Variants in GBF1 observed in about 807,000 individuals in gnomAD.
GBF1 encodes the protein Golgi-specific brefeldin A-resistance guanine nucleotide exchange factor 1.
GBF1 carries 114 observed loss-of-function variants against 210.5 expected under a neutral mutation model. The observed-to-expected ratio is 0.54, with a 90% CI of 0.47 to 0.63. GBF1 has a LOEUF of 0.63. Ranked by LOEUF, GBF1 falls within the 30% of genes least tolerant of loss-of-function variation. GBF1 has a pLI of 0.00. For synonymous variants in GBF1, 850 were observed against 889.2 expected (o/e 0.96, Z 0.78); for missense variants, 1,851 against 2,357.7 (o/e 0.79, Z 4.45).
intron 11 of GBF1, 130 bp from the exon 12 acceptor site, chr10:102,360,054 T>A: frequency 1.4e-6 from 1 of 724,438 alleles, no homozygotes; most frequent in African/African-American, 1.7e-5. Flanking sequence ...GCATGAGCCA[T>A]CACGCCCAGC....
chr10:102,344,852 A>G (rs2058430646), intron 4 of GBF1, among the ~76,000 whole-genome samples: 1 of 152,180 alleles, frequency 6.6e-6, no homozygotes, highest in African/African-American at 2.4e-5. Flanking sequence ...GACAATAGAG[A>G]TGTTCAAAAG....
At chr10:102,324,591 T>A (rs1444544079) in intron 3 of GBF1, among the ~76,000 whole-genome samples, 1 of 149,114 alleles carries the variant, frequency 6.7e-6, no homozygotes, top group Non-Finnish European at 1.5e-5. Flanking sequence ...TTACTTGATC[T>A]TTTTTTTTTA....
chr10:102,240,602 C>G (rs555075664), upstream of GBF1, among the ~76,000 whole-genome samples: 1 of 152,232 alleles, frequency 6.6e-6, no homozygotes, highest in African/African-American at 2.4e-5. Context: ...AGACACAACT[C>G]CCGCTCCGGA....
chr10:102,380,687 G>A lies in GBF1; in HGVS notation c.5173+1G>A. ...CTCTTCAAGCAGACCGTCATCCAGG[G>A]TAGGGGGCTCAGCCCAGCTTTATCA... On this transcript the variant is annotated splice_donor_variant, in intron 38 of 39. Coordinates refer to ENST00000369983, the MANE Select transcript of GBF1 (RefSeq NM_001377137.1). LOFTEE classifies it high-confidence loss of function. 6.2e-7 allele frequency: 1 copy of A among 1,604,928 alleles called. No homozygotes were observed. Among genetic ancestry groups the A allele is most frequent in the Non-Finnish European group, 8.5e-7 (1 of 1,174,430 alleles).
At chr10:102,250,974 C>G (rs1175801642) in intron 1 of GBF1, among the ~76,000 whole-genome samples, 1 of 144,946 alleles carries the variant, frequency 6.9e-6, no homozygotes, top group East Asian at 2.0e-4. Flanking sequence ...AACAACCAAA[C>G]AAACACAAAA....
intron 3 of GBF1, among the ~76,000 whole-genome samples, chr10:102,262,259 C>T (rs1364891246): frequency 6.6e-6 from 1 of 152,122 alleles, no homozygotes; most frequent in South Asian, 2.1e-4. Flanking sequence ...AGGGCAAATG[C>T]TGCTACTAGG....
intron 3 of GBF1, among the ~76,000 whole-genome samples, chr10:102,338,138 C>T (rs900091265): frequency 1.3e-5 from 2 of 151,710 alleles, no homozygotes; most frequent in Non-Finnish European, 1.5e-5. Flanking sequence ...TTTAACCCTT[C>T]TAGTTTTTCA....
intron 8 of GBF1, among the ~76,000 whole-genome samples, chr10:102,354,788 A>T (rs2059197329): frequency 6.6e-6 from 1 of 151,690 alleles, no homozygotes. Flanking sequence ...TTCAAGCAAG[A>T]CCCTTCCCCC....
intron 3 of GBF1, among the ~76,000 whole-genome samples, chr10:102,325,618 C>G (rs1278377834): frequency 6.6e-6 from 1 of 150,850 alleles, no homozygotes; most frequent in African/African-American, 2.4e-5. Flanking sequence ...CCGTCTCATA[C>G]TGGAACCCAT....
chr10:102,302,191 T>C (rs566836310), intron 3 of GBF1, among the ~76,000 whole-genome samples: 2 of 151,940 alleles, frequency 1.3e-5, no homozygotes, highest in East Asian at 1.9e-4. Flanking sequence ...GGCAGGGAGG[T>C]TGCAGTGAGC....
At chr10:102,256,928 C>T (rs1018558890) in intron 1 of GBF1, among the ~76,000 whole-genome samples, 1 of 152,184 alleles carries the variant, frequency 6.6e-6, no homozygotes, top group African/African-American at 2.4e-5. Flanking sequence ...GTCCCTGCTA[C>T]TCAGGAGGCT....
intron 29 of GBF1, among the ~76,000 whole-genome samples, chr10:102,374,553 C>T (rs1232746721): frequency 1.3e-5 from 2 of 151,732 alleles, no homozygotes; most frequent in Non-Finnish European, 2.9e-5. Flanking sequence ...CCACTGCACT[C>T]CAGCCTGGGT....
chr10:102,269,592 A>C (rs1305264816), intron 3 of GBF1, among the ~76,000 whole-genome samples: 1 of 152,190 alleles, frequency 6.6e-6, no homozygotes, highest in Non-Finnish European at 1.5e-5. Context: ...TTTCCCTGAC[A>C]CTGACAGGGA....
intron 3 of GBF1, among the ~76,000 whole-genome samples, chr10:102,267,160 G>C (rs780909676): frequency 2.6e-5 from 4 of 152,220 alleles, no homozygotes; most frequent in Non-Finnish European, 4.4e-5. Context: ...ATGGGGAGGT[G>C]TAGAGAAAAG....
rs1159823106 is a variant in GBF1, at chr10:102,325,148, C to CTCCCCGAATCTAAT, written c.164-18898_164-18885dup. 1.1e-3 allele frequency among the ~76,000 whole-genome samples: 166 copies of CTCCCCGAATCTAAT among 152,274 alleles called. 1 individual carries two copies. The highest frequency in any genetic ancestry group is 3.9e-3 in the African/African-American group (160 of 41,542). Reference sequence around the variant, plus strand: ...CTTTTCACTAAAGTTTGTTGCTTTTCTCCCCGAATCTAATTCCCTAAGTGC... The same window carrying CTCCCCGAATCTAAT: ...CTTTTCACTAAAGTTTGTTGCTTTTCTCCCCGAATCTAATTCCCCGAATCTAATTCCCTAAGTGC... On this transcript the variant is annotated intron_variant, in intron 3 of 39. Coordinates refer to ENST00000369983, the MANE Select transcript of GBF1 (RefSeq NM_001377137.1).
At chr10:102,359,074 CT>C in intron 10 of GBF1, 192 bp from the exon 11 acceptor site, 1 of 605,790 alleles carries the variant, frequency 1.7e-6, no homozygotes, top group Admixed American at 2.9e-5. Flanking sequence ...TCAGTGAAGC[CT>C]CAGGAGATGT....
rs2059865119 is a variant in GBF1 at position 102,365,531 on chromosome 10, G to A, written c.2241G>A (p.Leu747=). The change falls in exon 18 of 40, where the codon CTG becomes CTA. Residue 747 remains leucine, a synonymous_variant. Transcript: ENST00000369983. The part of the protein sequence containing the change: ...VAQWLRENPR[L]DKKMIGEFVS... The stretch of plus-strand genomic sequence containing the variant: ...AGTGGCTCCGAGAGAACCCTCGGCT[G>A]GACAAGAAGATGATTGGAGAGTTTG... 1 of 1,614,058 alleles carries A rather than the reference G, an allele frequency of 6.2e-7. No individual in the cohort carries two copies.
At chr10:102,307,784 A>G (rs1589577968) in intron 3 of GBF1, among the ~76,000 whole-genome samples, 1 of 152,078 alleles carries the variant, frequency 6.6e-6, no homozygotes, top group Non-Finnish European at 1.5e-5. Flanking sequence ...ACAGAGCAAG[A>G]CGCCGTCTCA....
chr10:102,316,685 T>C (rs1048388538), intron 3 of GBF1, among the ~76,000 whole-genome samples: 1 of 152,150 alleles, frequency 6.6e-6, no homozygotes, highest in Admixed American at 6.5e-5. Context: ...GTCCTATCCT[T>C]TTAGATAGAT....
Sources: allele counts gnomAD v4.1 joint callset (sites outside exome capture counted in the v4.1 genomes callset), GRCh38; gene constraint gnomAD v4.1.1; transcripts MANE v1.5; gene names NCBI Gene and HGNC (gene_info 2026-07-23, HGNC 2026-07-21).